Variants in CNOT6 observed in about 807,000 individuals in gnomAD.
CNOT6 encodes CCR4-NOT transcription complex subunit 6.
In CNOT6, 12 loss-of-function variants were observed where a neutral mutation model predicts 61.2. The ratio of observed to expected loss-of-function variants is 0.20; its 90% CI spans 0.13 to 0.32. The LOEUF (loss-of-function observed/expected upper bound fraction) is 0.32. Ranked by LOEUF, CNOT6 falls within the 10% of genes least tolerant of loss-of-function variation. The pLI, the probability that CNOT6 is intolerant of heterozygous loss-of-function variation, is 1.00. For synonymous variants in CNOT6, 225 were observed against 240.6 expected, an observed-to-expected ratio of 0.94 and a Z score of 0.60; for missense variants, 405 against 663.9, an observed-to-expected ratio of 0.61 and a Z score of 4.28.
At chr5:180,519,237 T>C (rs1171939908) in intron 1 of CNOT6, among the ~76,000 whole-genome samples, 1 of 151,996 alleles carries the variant, frequency 6.6e-6, no homozygotes, top group Non-Finnish European at 1.5e-5. Flanking sequence ...ATTGCAGGAG[T>C]TGATGTTGGT....
At position 180,553,350 on chromosome 5, in the gene CNOT6, T is replaced by A. The variant is rs778516891; in HGVS notation, c.300-36T>A. 3.4e-6 allele frequency: 5 copies of A among 1,453,944 alleles called. No homozygotes were observed. The East Asian group carries it at 1.1e-4, about 33-fold the overall frequency. The allele number at this position is 1,453,944 out of a possible 1,614,324, so 90.1% of individuals were successfully genotyped here. ...TGATTTTAACTGTTAAAGGCTAACATATTTTTCTGACTTCCTGGAATTTTT... is the reference window on the plus strand; with the variant it reads ...TGATTTTAACTGTTAAAGGCTAACAAATTTTTCTGACTTCCTGGAATTTTT... On this transcript the variant is annotated intron_variant, in intron 3 of 11. Transcript: ENST00000261951.
intron 9 of CNOT6, among the ~76,000 whole-genome samples, 170 bp from the exon 10 acceptor site, chr5:180,568,940 T>G (rs1293847999): frequency 6.6e-6 from 1 of 152,226 alleles, no homozygotes; most frequent in Non-Finnish European, 1.5e-5. Flanking sequence ...CAGGTTGAGA[T>G]GTGTATTTCT....
chr5:180,566,487 A>C (rs895893387), intron 7 of CNOT6, among the ~76,000 whole-genome samples: 2 of 152,134 alleles, frequency 1.3e-5, no homozygotes, highest in African/African-American at 4.8e-5. Flanking sequence ...GTTCCACCTC[A>C]GTTCTAAGAC....
intron 1 of CNOT6, among the ~76,000 whole-genome samples, chr5:180,503,764 C>G (rs1386761925): frequency 1.3e-5 from 2 of 152,004 alleles, no homozygotes; most frequent in African/African-American, 4.8e-5. Context: ...CGCCACCACA[C>G]CCGGCTAATT....
chr5:180,496,056 G>A (rs897926252), intron 1 of CNOT6, among the ~76,000 whole-genome samples: 4 of 152,094 alleles, frequency 2.6e-5, no homozygotes, highest in Non-Finnish European at 4.4e-5. Context: ...GGGACTACCG[G>A]CAGACACCAC....
intron 2 of CNOT6, among the ~76,000 whole-genome samples, chr5:180,539,295 CAAA>C (rs70973933): frequency 1.5e-5 from 2 of 136,024 alleles, no homozygotes; most frequent in Non-Finnish European, 1.7e-5. Flanking sequence ...AACAAACAAA[CAAA>C]AAAAAACTGC....
intron 1 of CNOT6, among the ~76,000 whole-genome samples, chr5:180,516,775 T>C (rs1757655864): frequency 6.6e-6 from 1 of 152,234 alleles, no homozygotes; most frequent in Non-Finnish European, 1.5e-5. Flanking sequence ...TCCTTAATTC[T>C]CTTCAAATCT....
At chr5:180,552,561 G>A (rs1366954425) in intron 3 of CNOT6, among the ~76,000 whole-genome samples, 1 of 151,822 alleles carries the variant, frequency 6.6e-6, no homozygotes, top group African/African-American at 2.4e-5. Flanking sequence ...CAGGAGAATG[G>A]CGTGAACCCG....
intron 4 of CNOT6, among the ~76,000 whole-genome samples, chr5:180,563,846 T>C (rs11249728): frequency 0.47 from 70,909 of 151,968 alleles, 17,570 homozygotes; most frequent in Non-Finnish European, 0.56. Flanking sequence ...GGATTTGAGA[T>C]TCTTGTAGGT....
intron 1 of CNOT6, among the ~76,000 whole-genome samples, chr5:180,502,159 A>T (rs993217829): frequency 6.6e-6 from 1 of 152,204 alleles, no homozygotes; most frequent in Non-Finnish European, 1.5e-5. Flanking sequence ...TTGGAAATAA[A>T]TTTATAATGT....
At chr5:180,545,009 A>G (rs1180555409) in intron 2 of CNOT6, among the ~76,000 whole-genome samples, 2 of 152,236 alleles carry the variant, frequency 1.3e-5, no homozygotes, top group Admixed American at 1.3e-4. Flanking sequence ...TTCATATTGA[A>G]TATCAGCTGT....
At chr5:180,552,245 G>C (rs1165274738) in intron 3 of CNOT6, among the ~76,000 whole-genome samples, 2 of 152,052 alleles carry the variant, frequency 1.3e-5, no homozygotes, top group African/African-American at 4.8e-5. Flanking sequence ...TCTTCTTGTT[G>C]AGTTTACAGC....
At chr5:180,516,986 G>T (rs769618276) in intron 1 of CNOT6, among the ~76,000 whole-genome samples, 7 of 152,160 alleles carry the variant, frequency 4.6e-5, no homozygotes, top group Non-Finnish European at 7.3e-5. Context: ...TTCCTCCATA[G>T]TATTGGTAAG....
chr5:180,502,738 A>G (rs1756920814), intron 1 of CNOT6, among the ~76,000 whole-genome samples: 1 of 152,190 alleles, frequency 6.6e-6, no homozygotes, highest in South Asian at 2.1e-4. Context: ...ACGGAGATAG[A>G]TGTGTTAGTA....
intron 1 of CNOT6, among the ~76,000 whole-genome samples, chr5:180,525,953 G>C (rs1431263898): frequency 6.6e-6 from 1 of 152,108 alleles, no homozygotes; most frequent in Non-Finnish European, 1.5e-5. Context: ...TATTTTTAGA[G>C]ACAGGGTTGT....
intron 1 of CNOT6, among the ~76,000 whole-genome samples, chr5:180,512,395 C>T (rs1757434995): frequency 6.6e-6 from 1 of 152,086 alleles, no homozygotes; most frequent in Admixed American, 6.5e-5. Flanking sequence ...CTGCCAGTTG[C>T]ATCAAAAGAT....
chr5:180,514,288 G>C (rs1216848364), intron 1 of CNOT6, among the ~76,000 whole-genome samples: 1 of 152,096 alleles, frequency 6.6e-6, no homozygotes, highest in African/African-American at 2.4e-5. Flanking sequence ...CACATGTGTT[G>C]GGGGGCGCCT....
intron 2 of CNOT6, among the ~76,000 whole-genome samples, chr5:180,531,850 G>A (rs945513612): frequency 7.9e-5 from 12 of 152,222 alleles, no homozygotes; most frequent in South Asian, 2.1e-4. Context: ...CAGGCGTGGC[G>A]GCGCGTGCCT....
At chr5:180,541,411 C>G (rs1443863143) in intron 2 of CNOT6, among the ~76,000 whole-genome samples, 3 of 137,246 alleles carry the variant, frequency 2.2e-5, no homozygotes, top group African/African-American at 5.4e-5. Context: ...TGCTGGATTA[C>G]AGGCATGAAC....
Sources: gnomAD v4.1 joint callset for allele counts (sites outside exome capture counted in the v4.1 genomes callset) on GRCh38, gnomAD v4.1.1 for gene constraint, MANE v1.5 for transcripts, NCBI Gene and HGNC (gene_info 2026-07-23, HGNC 2026-07-21) for gene names.